The following TRPV3 variants were observed in gnomAD, a reference collection of about 807,000 sequenced individuals.
The protein encoded by TRPV3 is transient receptor potential cation channel subfamily V member 3.
TRPV3 carries 88 observed loss-of-function variants against 87.1 expected under a neutral mutation model. The ratio of observed to expected loss-of-function variants is 1.01; its 90% CI spans 0.85 to 1.21. The LOEUF (loss-of-function observed/expected upper bound fraction) is 1.21. Among genes scored for constraint, TRPV3 ranks in the 50% most tolerant of loss-of-function variants. TRPV3 has a pLI of 0.00. For missense variants in TRPV3, 1,054 were observed against 1,030.1 expected (o/e 1.02, Z -0.32); for synonymous variants, 438 against 423.3 (o/e 1.03, Z -0.43).
chr17:3,520,967 A>G lies in TRPV3; in HGVS notation c.1810+6T>C. ...TGGGAGTTACTATTATTTATAAATC[A>G]ATTACCTACTCCAAATCCAAGCAAA... On this transcript the variant is annotated splice_donor_region_variant and intron_variant, in intron 14 of 17. Coordinates refer to ENST00000576742, the MANE Select transcript of TRPV3 (RefSeq NM_145068.4). 1 of 1,580,294 alleles carries G rather than the reference A, an allele frequency of 6.3e-7. No homozygotes were observed. The highest frequency in any genetic ancestry group is 1.1e-5 in the South Asian group (1 of 89,974).
chr17:3,544,118 C>T (rs1416108069), intron 4 of TRPV3, among the ~76,000 whole-genome samples: 8 of 152,226 alleles, frequency 5.3e-5, no homozygotes, highest in South Asian at 2.1e-4. Flanking sequence ...AAGCAATTCT[C>T]CTGCCTCAGC....
In TRPV3 at chr17:3,541,862, A is replaced by G. The variant is rs1233401420; in HGVS notation, c.643+660T>C. Among the ~76,000 whole-genome samples, 4 of 152,152 alleles carry G rather than the reference A, an allele frequency of 2.6e-5. No individual in the cohort carries two copies. The South Asian group carries it at 8.3e-4, about 32-fold the overall frequency. ...CCCTCCCCCAGTCACTTTCTGTCACACTATCTTCATTTATTTTCGTAATAT... is the reference window on the plus strand; with the variant it reads ...CCCTCCCCCAGTCACTTTCTGTCACGCTATCTTCATTTATTTTCGTAATAT... On this transcript the variant is annotated intron_variant, in intron 6 of 17. Transcript: ENST00000576742.
rs769285211 is a variant in TRPV3, at chr17:3,530,242, G to C, written c.1066-39C>G. On this transcript the variant is annotated intron_variant, in intron 8 of 17. Coordinates refer to ENST00000576742, the MANE Select transcript of TRPV3 (RefSeq NM_145068.4). The surrounding 1 kb of genome is among the most constrained non-coding windows in gnomAD (Gnocchi z 4.0). ...AGGAACAACCATCAGCTGCAGAACA[G>C]GGGCTTAAGGCCAACAGGGCTGGAC... 3.8e-6 allele frequency: 6 copies of C among 1,584,984 alleles called. No homozygotes were observed. The highest frequency in any genetic ancestry group is 1.3e-5 in the African/African-American group (1 of 74,642).
rs2074626629 is a variant in TRPV3 at position 3,555,920 on chromosome 17, T to A, written c.-2-1068A>T. On this transcript the variant is annotated intron_variant, in intron 1 of 17. Transcript: ENST00000576742. ...AGGCAGGCACAGTGGCTCACACCTG[T>A]AATCCCAGCACTTTGGGAGGCCAAG... Among the ~76,000 whole-genome samples, 3 of 152,154 alleles carry A rather than the reference T, an allele frequency of 2.0e-5. No individual in the cohort carries two copies. In the South Asian group the frequency reaches 6.2e-4, roughly 32 times the overall value.
intron 11 of TRPV3, among the ~76,000 whole-genome samples, chr17:3,527,312 C>G (rs758235814): frequency 6.6e-6 from 1 of 152,194 alleles, no homozygotes; most frequent in African/African-American, 2.4e-5. Context: ...CGTGCCCAAT[C>G]CTACCCCACC....
intron 14 of TRPV3, 82 bp downstream of exon 14, chr17:3,520,891 G>A (rs2074239102): frequency 6.6e-6 from 6 of 912,324 alleles, no homozygotes; most frequent in Non-Finnish European, 8.5e-6. Flanking sequence ...TTGTTGCCAA[G>A]GCCGCCATGC....
In TRPV3 at chr17:3,530,357, C is replaced by A; in HGVS notation, c.1066-154G>T. ...GCCTGGCGCCATGGCCCCTGGGCCC[C>A]GTCTTTATCTGTGGAATGCGCACAA... On this transcript the variant is annotated intron_variant, in intron 8 of 17. Transcript: ENST00000576742. The surrounding 1 kb of genome is among the most constrained non-coding windows in gnomAD (Gnocchi z 4.0). 1.5e-6 allele frequency: 1 copy of A among 661,756 alleles called. No homozygotes were observed. Among genetic ancestry groups the A allele is most frequent in the Non-Finnish European group, 2.5e-6 (1 of 406,344 alleles). 41.0% of individuals were successfully genotyped at this position (661,756 alleles called of 1,614,324 possible). A position where few individuals can be genotyped will look rare whatever the true frequency, so the allele number is the denominator to read the frequency against.
At position 3,524,331 on chromosome 17, in the gene TRPV3, A is replaced by T. The variant is rs115172572; in HGVS notation, c.1610T>A (p.Val537Asp). The change falls in exon 13 of 18, where the codon GTC (valine) becomes GAC (aspartate). Residue 537 changes from valine (V) to aspartate (D), a missense_variant. Coordinates refer to ENST00000576742, the MANE Select transcript of TRPV3 (RefSeq NM_145068.4). ...TTTGTAGGCAAACAAGTACAAGAAG[A>T]CAGACAGTATCACAAGCACAGCTTG... ...FIQAVLVILS[V>D]FLYLFAYKEY... 6.2e-7 allele frequency: 1 copy of T among 1,614,252 alleles called. No homozygotes were observed. The highest frequency in any genetic ancestry group is 2.2e-5 in the East Asian group (1 of 44,882).
rs753351096 is a variant in TRPV3, at chr17:3,543,588, G to T, written c.352C>A (p.Arg118=). ...AKEEQRRKKR[R]LKKRIFAAVS... ...GCTGCAAAGATGCGCTTCTTCAGCCGCCTCTTTTTCCTCCTCTGCTCTTCC... is the reference window on the plus strand; with the variant it reads ...GCTGCAAAGATGCGCTTCTTCAGCCTCCTCTTTTTCCTCCTCTGCTCTTCC... Residue 118 remains arginine (R), a synonymous_variant, in exon 5 of 18, where the codon CGG becomes AGG. Coordinates refer to ENST00000576742, the MANE Select transcript of TRPV3 (RefSeq NM_145068.4). The T allele has an allele frequency of 6.2e-7, 1 of 1,614,000 alleles. No homozygotes were observed. The highest frequency in any genetic ancestry group is 8.5e-7 in the Non-Finnish European group (1 of 1,180,044).
At chr17:3,554,568 C>T (rs548044774) in intron 2 of TRPV3, 164 bp downstream of exon 2, 36 of 603,686 alleles carry the variant, frequency 6.0e-5, no homozygotes, top group Admixed American at 1.8e-4. Flanking sequence ...GCTGTGCTCC[C>T]CACCGCACCA....
rs531796902 is a variant in TRPV3 at position 3,530,446 on chromosome 17, C to A, written c.1066-243G>T. Reference sequence around the variant, plus strand: ...ACCAGGGACAAAGGGTGTGAAGGTTCTTCGCAGGCTGCAGCAAGCTGCACA... The same window carrying A: ...ACCAGGGACAAAGGGTGTGAAGGTTATTCGCAGGCTGCAGCAAGCTGCACA... On this transcript the variant is annotated intron_variant, in intron 8 of 17. Coordinates refer to ENST00000576742, the MANE Select transcript of TRPV3 (RefSeq NM_145068.4). This position sits in a 1 kb window ranked among gnomAD's most constrained non-coding sequence, Gnocchi z 4.0. Among the ~76,000 whole-genome samples the A allele has an allele frequency of 1.3e-5, 2 of 152,082 alleles. No individual in the cohort carries two copies. The highest frequency in any genetic ancestry group is 4.8e-5 in the African/African-American group (2 of 41,558).
At chr17:3,527,145 T>G (rs1353983779) in intron 11 of TRPV3, among the ~76,000 whole-genome samples, 2 of 152,066 alleles carry the variant, frequency 1.3e-5, no homozygotes, top group African/African-American at 4.8e-5. Context: ...CTCACCTCCC[T>G]CACTCCTTAC....
intron 13 of TRPV3, among the ~76,000 whole-genome samples, chr17:3,522,951 T>C (rs1339696099): frequency 1.3e-5 from 2 of 152,142 alleles, no homozygotes; most frequent in African/African-American, 4.8e-5. Flanking sequence ...ACATAGCATA[T>C]TATATAATGT....
chr17:3,551,777 C>T (rs2074576766), intron 2 of TRPV3, among the ~76,000 whole-genome samples: 2 of 150,346 alleles, frequency 1.3e-5, no homozygotes, highest in South Asian at 4.2e-4. Context: ...AAAAGTGTCT[C>T]CTATCTCCAG....
intron 12 of TRPV3, among the ~76,000 whole-genome samples, chr17:3,525,021 G>T (rs1438005552): frequency 6.6e-6 from 1 of 151,954 alleles, no homozygotes; most frequent in Non-Finnish European, 1.5e-5. Context: ...GTGTTTTTTG[G>T]GGGGGTCAGG....
intron 6 of TRPV3, chr17:3,539,619 C>T (rs2074441035): frequency 6.6e-6 from 1 of 152,050 alleles, no homozygotes. Context: ...CGCCACTGCA[C>T]TCCAGCCTGC....
intron 12 of TRPV3, among the ~76,000 whole-genome samples, chr17:3,526,371 A>C (rs1473296686): frequency 6.6e-6 from 1 of 151,968 alleles, no homozygotes; most frequent in Non-Finnish European, 1.5e-5. Flanking sequence ...CCAGCTACTC[A>C]GGAGGCTGAG....
rs770945202 is a variant in TRPV3, at chr17:3,535,597, A to G, written c.760T>C (p.Tyr254His). The G allele has an allele frequency of 5.0e-6, 8 of 1,606,890 alleles. No individual in the cohort carries two copies. The African/African-American group carries it at 9.5e-5, about 19-fold the overall frequency. ...CCGAAGTAGAAGCCTTCGTGTTGGTACTTGGGGTTGAAGAAGGCCCCCTTG... is the reference window on the plus strand; with the variant it reads ...CCGAAGTAGAAGCCTTCGTGTTGGTGCTTGGGGTTGAAGAAGGCCCCCTTG... ...HAKGAFFNPK[Y>H]QHEGFYFGET... Residue 254 changes from tyrosine to histidine, a missense_variant, in exon 7 of 18, where the codon TAC becomes CAC. Transcript: ENST00000576742.
chr17:3,515,693 T>TAAA (rs35592655), intron 16 of TRPV3, among the ~76,000 whole-genome samples: 2 of 149,656 alleles, frequency 1.3e-5, no homozygotes, highest in Non-Finnish European at 3.0e-5. Context: ...GTAAGGACTT[T>TAAA]AAAAAAAAAA....
Sources: gnomAD v4.1 joint callset for allele counts (sites outside exome capture counted in the v4.1 genomes callset) on GRCh38, gnomAD v4.1.1 for gene constraint, Gnocchi (gnomAD v3.1) non-coding constraint, MANE v1.5 for transcripts, NCBI Gene and HGNC (gene_info 2026-07-23, HGNC 2026-07-21) for gene names.